Variants in DIABLO observed in about 807,000 individuals in gnomAD.
DIABLO encodes diablo homolog, mitochondrial.
Under a neutral mutation model 31.7 loss-of-function variants are expected in DIABLO, and 32 were observed. The observed-to-expected ratio is 1.01, with a 90% CI of 0.76 to 1.35. The LOEUF is 1.35. Among genes scored for constraint, DIABLO ranks in the 40% most tolerant of loss-of-function variants. The probability of loss-of-function intolerance (pLI) is 0.00; values close to 1 mark genes in which losing one functional copy is unlikely to be tolerated. For synonymous variants in DIABLO, 132 were observed against 103.2 expected, an observed-to-expected ratio of 1.28 and a Z score of -1.69; for missense variants, 316 against 286.4, an observed-to-expected ratio of 1.10 and a Z score of -0.75.
In DIABLO at chr12:122,218,308, C is replaced by G; in HGVS notation, c.273G>C (p.Gln91His). The G allele has an allele frequency of 6.2e-7, 1 of 1,614,090 alleles. No homozygotes were observed. Among genetic ancestry groups the G allele is most frequent in the Non-Finnish European group, 8.5e-7 (1 of 1,180,018 alleles). The change falls in exon 3 of 6, where the codon CAG (glutamine) becomes CAC (histidine). Residue 91 changes from glutamine (Q) to histidine (H), a missense_variant. Coordinates refer to ENST00000464942, the MANE Select transcript of DIABLO (RefSeq NM_001371333.1). ...TAGCTTCAATCAACGCATATGTGGT[C>G]TGAGAGAGAAAGGTAGAGGTGCTAT... is the stretch of plus-strand genomic sequence containing the variant. Reference protein sequence around the residue: ...VTDSTSTFLSQTTYALIEAIT... With the variant: ...VTDSTSTFLSHTTYALIEAIT...
At chr12:122,218,449 T>G (rs751179475) in intron 2 of DIABLO, 52 bp from the exon 3 acceptor site, 2 of 1,612,938 alleles carry the variant, frequency 1.2e-6, no homozygotes, top group Non-Finnish European at 1.7e-6. Flanking sequence ...ACTGAGAACT[T>G]TTTCACCAAT....
rs573596775 is a variant in DIABLO at position 122,225,766 on chromosome 12, G to A, written c.50+199C>T. 1.1e-5 allele frequency: 16 copies of A among 1,441,278 alleles called. No individual in the cohort carries two copies. The South Asian group carries it at 2.0e-4, about 18-fold the overall frequency. The allele number at this position is 1,441,278 out of a possible 1,614,324, so 89.3% of individuals were successfully genotyped here. ...CTCGTTTCTAGAAGATGGACGAACT[G>A]AAAAGGAAGCCGGGCTTGACCCAGG... On this transcript the variant is annotated intron_variant, in intron 1 of 5. Coordinates refer to ENST00000464942, the MANE Select transcript of DIABLO (RefSeq NM_001371333.1).
chr12:122,216,899 A>G, intron 3 of DIABLO, 30 bp from the exon 4 acceptor site: 1 of 1,560,720 alleles, frequency 6.4e-7, no homozygotes, highest in South Asian at 1.1e-5. Flanking sequence ...AAGTCTGAGT[A>G]AAGTAAGTGA....
At chr12:122,215,835 G>A (rs1196772288) in intron 5 of DIABLO, among the ~76,000 whole-genome samples, 12 of 143,626 alleles carry the variant, frequency 8.4e-5, no homozygotes, top group Non-Finnish European at 1.5e-4. Flanking sequence ...CTAGGATTTC[G>A]AGATTAGCCT....
intron 5 of DIABLO, among the ~76,000 whole-genome samples, chr12:122,214,826 C>T (rs974369771): frequency 6.6e-6 from 1 of 152,104 alleles, no homozygotes; most frequent in Non-Finnish European, 1.5e-5. Context: ...AGCCATTCTC[C>T]TGCACAGGCG....
At chr12:122,217,715 C>T in intron 3 of DIABLO, 1 of 157,494 alleles carries the variant, frequency 6.3e-6, no homozygotes, top group Non-Finnish European at 1.4e-5. Flanking sequence ...AGAGATGGGG[C>T]TTGCTACATT....
In DIABLO at chr12:122,225,698, G is replaced by A. The variant is rs1469989083; in HGVS notation, c.50+267C>T. The A allele has an allele frequency of 5.7e-6, 8 of 1,405,676 alleles. No homozygotes were observed. The African/African-American group carries it at 1.0e-4, about 18-fold the overall frequency. The allele number at this position is 1,405,676 out of a possible 1,614,324, so 87.1% of individuals were successfully genotyped here. A position where few individuals can be genotyped will look rare whatever the true frequency, so the allele number is the denominator to read the frequency against. The stretch of plus-strand genomic sequence containing the variant: ...TCGAGTGGCTGACGAGGGCTGGTCA[G>A]GAGGCGGAGCAGCCCCAAGAAGGCA... On this transcript the variant is annotated intron_variant, in intron 1 of 5. Transcript: ENST00000464942.
At chr12:122,227,141 G>A (rs1230486911), upstream of DIABLO, among the ~76,000 whole-genome samples, 3 of 152,176 alleles carry the variant, frequency 2.0e-5, no homozygotes, top group Non-Finnish European at 4.4e-5. Flanking sequence ...CCAGGTGGTG[G>A]GTGGGCATCA....
At chr12:122,225,366 G>C (rs967206255) in intron 1 of DIABLO, 1 of 982,558 alleles carries the variant, frequency 1.0e-6, no homozygotes, top group African/African-American at 1.8e-5. Context: ...CAGCCTGGGC[G>C]ACAGAGGCAG....
At chr12:122,209,666 C>CA in intron 5 of DIABLO, 1 of 681,584 alleles carries the variant, frequency 1.5e-6, no homozygotes, top group Non-Finnish European at 2.7e-6. Context: ...CGTCTCCCCC[C>CA]CAAAAAAAAA....
intron 1 of DIABLO, chr12:122,224,918 G>T (rs1272135932): frequency 1.8e-5 from 20 of 1,117,792 alleles, no homozygotes; most frequent in Non-Finnish European, 2.4e-5. Context: ...CGACCAGCCT[G>T]GGCAACATGG....
At chr12:122,226,239 G>A, upstream of DIABLO, 1 of 751,016 alleles carries the variant, frequency 1.3e-6, no homozygotes, top group Non-Finnish European at 2.3e-6. Flanking sequence ...GCGGGGCGGG[G>A]CATATGCAGG....
chr12:122,225,227 G>GAA, intron 1 of DIABLO: 9 of 180,668 alleles, frequency 5.0e-5, no homozygotes, highest in Non-Finnish European at 7.4e-5. Context: ...AAAACAAAAA[G>GAA]AAAAAAAAAA....
chr12:122,224,827 G>GTGTT, intron 1 of DIABLO, 183 bp from the exon 2 acceptor site: 1 of 1,516,184 alleles, frequency 6.6e-7, no homozygotes, highest in Non-Finnish European at 8.8e-7. Flanking sequence ...CTCAGGCAGG[G>GTGTT]TGTTGGTGGC....
intron 2 of DIABLO, chr12:122,218,796 G>C (rs991215637): frequency 6.9e-5 from 20 of 289,044 alleles, no homozygotes; most frequent in Non-Finnish European, 1.2e-4. Context: ...ACAAAAATTA[G>C]CTGGGCCGTA....
intron 5 of DIABLO, among the ~76,000 whole-genome samples, chr12:122,214,931 CCCACCTCAAGTGAT>C (rs1198667600): frequency 2.0e-5 from 3 of 151,840 alleles, no homozygotes; most frequent in African/African-American, 4.9e-5. Context: ...CCTCAAGTGA[CCCACCTCAAGTGAT>C]CCGCCCTCCT....
rs1212142354 is a variant in DIABLO, at chr12:122,218,246, A to G, written c.315+20T>C. ...TGCTAAACCATGGTTTAGAAGATCA[A>G]GAGTTAAGAGGAGACATACCTTAGT... On this transcript the variant is annotated intron_variant, in intron 3 of 5. Transcript: ENST00000464942. 3.1e-6 allele frequency: 5 copies of G among 1,613,968 alleles called. No individual in the cohort carries two copies. The highest frequency in any genetic ancestry group is 4.2e-6 in the Non-Finnish European group (5 of 1,179,888).
At chr12:122,210,003 T>A (rs1954044520) in intron 5 of DIABLO, 1 of 580,914 alleles carries the variant, frequency 1.7e-6, no homozygotes, top group Non-Finnish European at 3.1e-6. Context: ...TTTTCTCCTT[T>A]AATCTATGGA....
intron 3 of DIABLO, 164 bp from the exon 4 acceptor site, chr12:122,217,033 AG>A (rs2136096788): frequency 1.6e-6 from 1 of 624,306 alleles, no homozygotes; most frequent in Admixed American, 2.5e-5. Flanking sequence ...TAAAGGTATC[AG>A]GACATTAGTA....
Sources: gnomAD v4.1 joint callset for allele counts (sites outside exome capture counted in the v4.1 genomes callset) on GRCh38, gnomAD v4.1.1 for gene constraint, MANE v1.5 for transcripts, NCBI Gene and HGNC (gene_info 2026-07-23, HGNC 2026-07-21) for gene names.